Variants in CNTNAP2 observed in about 807,000 individuals in gnomAD.
CNTNAP2 encodes the protein contactin-associated protein-like 2.
Under a neutral mutation model 155.2 loss-of-function variants are expected in CNTNAP2, and 98 were observed. The ratio of observed to expected loss-of-function variants is 0.63; its 90% CI spans 0.54 to 0.75. The LOEUF (loss-of-function observed/expected upper bound fraction) is 0.75, where lower values mean the gene tolerates loss of function less well. Ranked by LOEUF, CNTNAP2 falls within the 30% of genes least tolerant of loss-of-function variation. The pLI, the probability that CNTNAP2 is intolerant of heterozygous loss-of-function variation, is 0.00. For synonymous variants in CNTNAP2, 651 were observed against 631.2 expected, an observed-to-expected ratio of 1.03 and a Z score of -0.47; for missense variants, 1,727 against 1,688.1, an observed-to-expected ratio of 1.02 and a Z score of -0.40.
intron 1 of CNTNAP2, among the ~76,000 whole-genome samples, chr7:146,615,743 G>T (rs1296687335): frequency 6.6e-6 from 1 of 152,184 alleles, no homozygotes; most frequent in African/African-American, 2.4e-5. Context: ...CAATATCCTA[G>T]TTCCTTTGTT....
intron 8 of CNTNAP2, among the ~76,000 whole-genome samples, chr7:147,280,959 T>C (rs1766827532): frequency 6.6e-6 from 1 of 151,928 alleles, no homozygotes; most frequent in Non-Finnish European, 1.5e-5. Context: ...AAAAAATCTT[T>C]GACTTGAATT....
intron 4 of CNTNAP2, among the ~76,000 whole-genome samples, chr7:147,065,695 A>G (rs1169213258): frequency 6.6e-6 from 1 of 152,202 alleles, no homozygotes; most frequent in African/African-American, 2.4e-5. Flanking sequence ...CTTCAAGTCC[A>G]TTATCAATTT....
intron 9 of CNTNAP2, among the ~76,000 whole-genome samples, chr7:147,304,289 G>A (rs1434307031): frequency 6.6e-6 from 1 of 151,914 alleles, no homozygotes; most frequent in Non-Finnish European, 1.5e-5. Context: ...TGTTTTAGCT[G>A]CTTTAACATG....
chr7:147,874,758 T>A (rs1342193222), intron 13 of CNTNAP2, among the ~76,000 whole-genome samples: 1 of 152,238 alleles, frequency 6.6e-6, no homozygotes, highest in Non-Finnish European at 1.5e-5. Flanking sequence ...TATTGCATCA[T>A]CAGGCTGCAA....
intron 3 of CNTNAP2, among the ~76,000 whole-genome samples, chr7:146,996,836 T>C (rs1798317465): frequency 6.6e-6 from 1 of 152,114 alleles, no homozygotes; most frequent in Admixed American, 6.6e-5. Context: ...TTCCCACTTG[T>C]TGTGGGAGGG....
chr7:146,882,560 G>T (rs1030124182), intron 3 of CNTNAP2, among the ~76,000 whole-genome samples: 1 of 152,000 alleles, frequency 6.6e-6, no homozygotes, highest in Non-Finnish European at 1.5e-5. Flanking sequence ...GGATGTGTTT[G>T]CTTCCCCTTC....
chr7:147,070,866 T>C (rs1306245746), intron 4 of CNTNAP2, among the ~76,000 whole-genome samples: 3 of 152,182 alleles, frequency 2.0e-5, no homozygotes, highest in Non-Finnish European at 4.4e-5. Context: ...TATCAGAACA[T>C]GATTTAAAAC....
At chr7:147,587,193 G>T (rs1358944586) in intron 12 of CNTNAP2, among the ~76,000 whole-genome samples, 1 of 152,158 alleles carries the variant, frequency 6.6e-6, no homozygotes, top group Non-Finnish European at 1.5e-5. Flanking sequence ...TTTACAGAAT[G>T]CAGGGTCAGC....
chr7:147,493,764 TA>T (rs770030426), intron 11 of CNTNAP2, among the ~76,000 whole-genome samples: 3 of 152,116 alleles, frequency 2.0e-5, no homozygotes, highest in Non-Finnish European at 2.9e-5. Flanking sequence ...TGTAGACACA[TA>T]GGGGAAAAAA....
intron 9 of CNTNAP2, among the ~76,000 whole-genome samples, chr7:147,379,030 G>T (rs1303610700): frequency 6.6e-6 from 1 of 151,928 alleles, no homozygotes; most frequent in Non-Finnish European, 1.5e-5. Context: ...ACATCTGATG[G>T]TTATAAGGGA....
At chr7:146,645,664 T>C (rs1799799246) in intron 1 of CNTNAP2, among the ~76,000 whole-genome samples, 1 of 152,110 alleles carries the variant, frequency 6.6e-6, no homozygotes, top group Non-Finnish European at 1.5e-5. Flanking sequence ...TCACATACCA[T>C]ATAGGTGACC....
intron 15 of CNTNAP2, among the ~76,000 whole-genome samples, chr7:148,085,010 A>G (rs1327926907): frequency 1.3e-5 from 2 of 152,216 alleles, no homozygotes; most frequent in Non-Finnish European, 2.9e-5. Context: ...GGCTAGTGAT[A>G]AAAGTTTGAG....
At chr7:147,067,209 G>A (rs1378128442) in intron 4 of CNTNAP2, among the ~76,000 whole-genome samples, 7 of 148,368 alleles carry the variant, frequency 4.7e-5, no homozygotes, top group Non-Finnish European at 3.0e-5. Context: ...GAGAATCACT[G>A]GAACTCATGA....
chr7:146,721,140 C>T (rs1055785430), intron 1 of CNTNAP2, among the ~76,000 whole-genome samples: 4 of 130,858 alleles, frequency 3.1e-5, no homozygotes, highest in African/African-American at 1.1e-4. Flanking sequence ...TATATATTCT[C>T]TTTATATATT....
chr7:147,776,879 T>C (rs56973980), intron 13 of CNTNAP2, among the ~76,000 whole-genome samples: 28 of 152,148 alleles, frequency 1.8e-4, no homozygotes, highest in African/African-American at 5.3e-4. Context: ...CACACTTTTA[T>C]CTGTTTTCTC....
chr7:146,521,410 A>AT (rs796485200), intron 1 of CNTNAP2, among the ~76,000 whole-genome samples: 5 of 151,978 alleles, frequency 3.3e-5, no homozygotes, highest in Non-Finnish European at 7.4e-5. Context: ...CATTCAGCCG[A>AT]TTTTTTTGTA....
intron 1 of CNTNAP2, among the ~76,000 whole-genome samples, chr7:146,217,488 A>G (rs1273592628): frequency 2.0e-5 from 3 of 152,224 alleles, no homozygotes; most frequent in South Asian, 2.1e-4. Flanking sequence ...ATAGTACCCA[A>G]TGGGTCACTT....
intron 1 of CNTNAP2, among the ~76,000 whole-genome samples, chr7:146,771,428 ATG>A (rs1802291568): frequency 6.6e-6 from 1 of 152,222 alleles, no homozygotes; most frequent in Non-Finnish European, 1.5e-5. Context: ...TTATAATCAA[ATG>A]TATCAGAAAG....
At chr7:147,841,003 G>A (rs1798718686) in intron 13 of CNTNAP2, among the ~76,000 whole-genome samples, 1 of 152,060 alleles carries the variant, frequency 6.6e-6, no homozygotes, top group South Asian at 2.1e-4. Context: ...ACTACCTCCG[G>A]CTTCAAATTC....
Sources: allele counts gnomAD v4.1 joint callset (sites outside exome capture counted in the v4.1 genomes callset), GRCh38; gene constraint gnomAD v4.1.1; transcripts MANE v1.5; gene names NCBI Gene and HGNC (gene_info 2026-07-23, HGNC 2026-07-21).